Variants in CNTN4 observed in about 807,000 individuals in gnomAD.
CNTN4 encodes the protein contactin-4.
In CNTN4, 77 loss-of-function variants were observed where a neutral mutation model predicts 122.5. The observed-to-expected ratio is 0.63, with a 90% confidence interval of 0.52 to 0.76. CNTN4 has a LOEUF of 0.76. CNTN4 is among the 30% of genes least tolerant of loss of function. The pLI, the probability that CNTN4 is intolerant of heterozygous loss-of-function variation, is 0.00. For missense variants in CNTN4, 1,256 were observed against 1,259.1 expected (o/e 1.00, Z 0.04); for synonymous variants, 512 against 447.0 (o/e 1.15, Z -1.83).
chr3:2,748,603 A>C (rs1356995339), intron 6 of CNTN4, among the ~76,000 whole-genome samples: 1 of 152,180 alleles, frequency 6.6e-6, no homozygotes, highest in Non-Finnish European at 1.5e-5. Flanking sequence ...CTCTTGTTCA[A>C]CCAGCTACAA....
chr3:2,218,823 T>C (rs895342632), intron 2 of CNTN4, among the ~76,000 whole-genome samples: 2 of 151,936 alleles, frequency 1.3e-5, no homozygotes, highest in Non-Finnish European at 2.9e-5. Flanking sequence ...ACGATAGGAG[T>C]GGTTTATCAG....
chr3:2,753,569 C>A (rs1020883068), intron 6 of CNTN4, among the ~76,000 whole-genome samples: 3 of 152,152 alleles, frequency 2.0e-5, no homozygotes, highest in African/African-American at 7.2e-5. Flanking sequence ...AGCATAGGAA[C>A]CTGGTCACCT....
intron 2 of CNTN4, among the ~76,000 whole-genome samples, chr3:2,105,410 A>G (rs1574831871): frequency 6.6e-6 from 1 of 152,218 alleles, no homozygotes; most frequent in South Asian, 2.1e-4. Flanking sequence ...GAGACTGGGT[A>G]ATTTGTAAAG....
At chr3:2,705,816 A>G (rs563921804) in intron 4 of CNTN4, among the ~76,000 whole-genome samples, 1 of 106,948 alleles carries the variant, frequency 9.4e-6, no homozygotes, top group African/African-American at 3.9e-5. Context: ...TAATATATAT[A>G]ATATATAATA....
At chr3:2,105,199 G>A (rs945342808) in intron 2 of CNTN4, among the ~76,000 whole-genome samples, 1 of 152,136 alleles carries the variant, frequency 6.6e-6, no homozygotes, top group Non-Finnish European at 1.5e-5. Context: ...TGCTGCAGCT[G>A]TCTTAACACC....
chr3:2,628,233 A>G (rs1177166997), intron 4 of CNTN4, among the ~76,000 whole-genome samples: 2 of 152,170 alleles, frequency 1.3e-5, no homozygotes, highest in Non-Finnish European at 2.9e-5. Context: ...TTATTTTTTC[A>G]GCTGCTTTCC....
intron 3 of CNTN4, among the ~76,000 whole-genome samples, chr3:2,545,810 G>T (rs2149326820): frequency 6.6e-6 from 1 of 151,972 alleles, no homozygotes; most frequent in South Asian, 2.1e-4. Flanking sequence ...ATTGGGTCTT[G>T]CTTTGTTATC....
At chr3:2,856,558 G>A (rs771710183) in intron 7 of CNTN4, among the ~76,000 whole-genome samples, 29 of 150,134 alleles carry the variant, frequency 1.9e-4, no homozygotes, top group Admixed American at 3.3e-4. Context: ...ATACAATTTC[G>A]TGGGGAAGTG....
At chr3:2,771,745 A>G (rs1179827882) in intron 6 of CNTN4, among the ~76,000 whole-genome samples, 1 of 152,240 alleles carries the variant, frequency 6.6e-6, no homozygotes, top group Non-Finnish European at 1.5e-5. Context: ...AGAGAAAGAC[A>G]TACAGTATTA....
rs925601732 is a variant in CNTN4, at chr3:2,709,442, T to C, written c.56-26773T>C. Among the ~76,000 whole-genome samples the C allele has an allele frequency of 1.3e-5, 2 of 152,012 alleles. No homozygotes were observed. The highest frequency in any genetic ancestry group is 1.3e-4 in the Admixed American group (2 of 15,250). On this transcript the variant is annotated intron_variant, in intron 4 of 24. Transcript: ENST00000418658. The surrounding 1 kb of genome is among the most constrained non-coding windows in gnomAD (Gnocchi z 5.0). ...GGATTTTCAAAGTTCCCTCAGGTGA[T>C]CATCGTGTGCAATGGGGGATGGGAA... is the stretch of plus-strand genomic sequence containing the variant.
At chr3:3,023,274 T>C (rs905650557) in intron 14 of CNTN4, among the ~76,000 whole-genome samples, 14 of 152,312 alleles carry the variant, frequency 9.2e-5, no homozygotes, top group Non-Finnish European at 2.9e-5. Context: ...TGACGTTGCA[T>C]TGATTCTTGC....
chr3:2,440,011 T>A (rs984432248), intron 3 of CNTN4, among the ~76,000 whole-genome samples: 3 of 152,164 alleles, frequency 2.0e-5, no homozygotes, highest in Admixed American at 1.3e-4. Context: ...TAAATGAGAT[T>A]AACAAAGCCA....
chr3:2,899,742 G>T (rs546510721), intron 10 of CNTN4, among the ~76,000 whole-genome samples: 58 of 152,270 alleles, frequency 3.8e-4, no homozygotes, highest in South Asian at 6.2e-4. Flanking sequence ...GAATTCTTGT[G>T]TTAGACTGTG....
intron 13 of CNTN4, among the ~76,000 whole-genome samples, chr3:2,954,811 T>C (rs553850042): frequency 2.9e-4 from 44 of 152,226 alleles, no homozygotes; most frequent in African/African-American, 1.1e-3. Flanking sequence ...TAATTTTGAG[T>C]TTCTGTCTCT....
At chr3:2,532,599 G>A (rs10510234) in intron 3 of CNTN4, among the ~76,000 whole-genome samples, 18,735 of 152,072 alleles carry the variant, frequency 0.12, 1,391 homozygotes, top group Non-Finnish European at 0.18. Context: ...TAAACTTCCT[G>A]CTTTGCACAT....
chr3:3,005,289 G>C (rs1173096481), intron 14 of CNTN4, among the ~76,000 whole-genome samples: 1 of 152,128 alleles, frequency 6.6e-6, no homozygotes, highest in Non-Finnish European at 1.5e-5. Context: ...GATAGGCTGA[G>C]ATTTTTTTCA....
At chr3:2,438,598 A>G (rs1201242827) in intron 3 of CNTN4, among the ~76,000 whole-genome samples, 1 of 152,028 alleles carries the variant, frequency 6.6e-6, no homozygotes, top group Non-Finnish European at 1.5e-5. Flanking sequence ...GCAGGCCCAA[A>G]CAATGTCTTT....
Position 3,026,193 on chromosome 3 carries a change from G to T in CNTN4, c.1578G>T (p.Ser526=). ...VLPCQVTHDH[S]LDIVFTWSFN... Reference sequence around the variant, plus strand: ...CGTGCCAGGTAACGCATGATCACTCGCTAGACATCGTGTTTACTTGGTCAT... The same window carrying T: ...CGTGCCAGGTAACGCATGATCACTCTCTAGACATCGTGTTTACTTGGTCAT... The change falls in exon 15 of 25, where the codon TCG becomes TCT. Residue 526 remains serine, a synonymous_variant. Coordinates refer to ENST00000418658, the MANE Select transcript of CNTN4 (RefSeq NM_175607.3). 6 of 1,613,368 alleles carry T rather than the reference G, an allele frequency of 3.7e-6. No homozygotes were observed. Among genetic ancestry groups the T allele is most frequent in the Non-Finnish European group, 5.1e-6 (6 of 1,179,458 alleles).
chr3:2,183,098 G>A (rs1052120265), intron 2 of CNTN4, among the ~76,000 whole-genome samples: 1 of 151,940 alleles, frequency 6.6e-6, no homozygotes, highest in Non-Finnish European at 1.5e-5. Context: ...GGAAATCCTT[G>A]GATCTATTTT....
Sources: allele counts gnomAD v4.1 joint callset (sites outside exome capture counted in the v4.1 genomes callset), GRCh38; gene constraint gnomAD v4.1.1; non-coding constraint Gnocchi (gnomAD v3.1); transcripts MANE v1.5; gene names NCBI Gene and HGNC (gene_info 2026-07-23, HGNC 2026-07-21).